The following ZNF804B variants were observed in gnomAD, a reference collection of about 807,000 sequenced individuals.
The protein encoded by ZNF804B is zinc finger protein 804B.
A neutral mutation model predicts 101.4 loss-of-function variants in ZNF804B; 80 were observed. The observed-to-expected ratio is 0.79, with a 90% CI of 0.66 to 0.95. The LOEUF (loss-of-function observed/expected upper bound fraction) is 0.95, where lower values mean the gene tolerates loss of function less well. ZNF804B is among the 40% of genes least tolerant of loss of function. The probability of loss-of-function intolerance (pLI) is 0.00; values close to 1 mark genes in which losing one functional copy is unlikely to be tolerated. For missense variants in ZNF804B, 1,673 were observed against 1,561.9 expected (o/e 1.07, Z -1.20); for synonymous variants, 622 against 558.8 (o/e 1.11, Z -1.59).
At chr7:88,789,962 C>T (rs1371330530) in intron 1 of ZNF804B, among the ~76,000 whole-genome samples, 6 of 151,964 alleles carry the variant, frequency 3.9e-5, no homozygotes, top group African/African-American at 1.4e-4. Flanking sequence ...TTTTTCCTTT[C>T]AAGTAATATT....
At chr7:89,308,055 G>A (rs552397663) in intron 2 of ZNF804B, among the ~76,000 whole-genome samples, 2 of 152,124 alleles carry the variant, frequency 1.3e-5, no homozygotes, top group East Asian at 3.9e-4. Context: ...ATTTTTAAAA[G>A]ACTTCTGATC....
chr7:89,228,354 T>A (rs1449160433), intron 2 of ZNF804B, among the ~76,000 whole-genome samples: 1 of 152,106 alleles, frequency 6.6e-6, no homozygotes, highest in East Asian at 1.9e-4. Flanking sequence ...TATTCTCTTA[T>A]CTGGCCCCAC....
rs1790373660 is a variant in ZNF804B at position 89,119,898 on chromosome 7, T to A, written c.109-98257T>A. ...TGTTTGTTTATCTAACATGCTCATA[T>A]GGATAGCAAGGTTTATTCCCAAGTG... On this transcript the variant is annotated intron_variant, in intron 1 of 3. Coordinates refer to ENST00000333190, the MANE Select transcript of ZNF804B (RefSeq NM_181646.5). Among the ~76,000 whole-genome samples, 5 of 152,354 alleles carry A rather than the reference T, an allele frequency of 3.3e-5. No individual in the cohort carries two copies. In the South Asian group the frequency reaches 1.0e-3, roughly 32 times the overall value.
chr7:89,001,359 CTTTTT>C, intron 1 of ZNF804B, among the ~76,000 whole-genome samples: 1 of 142,848 alleles, frequency 7.0e-6, no homozygotes, highest in East Asian at 2.0e-4. Context: ...CTTTCCTTTT[CTTTTT>C]TTTTTAAAAG....
At chr7:88,992,173 G>GTC (rs1400158519) in intron 1 of ZNF804B, among the ~76,000 whole-genome samples, 4 of 152,074 alleles carry the variant, frequency 2.6e-5, no homozygotes. Flanking sequence ...AAAATCTTCA[G>GTC]TCTCTCTCTC....
chr7:88,818,899 T>C (rs1304355088), intron 1 of ZNF804B, among the ~76,000 whole-genome samples: 1 of 152,176 alleles, frequency 6.6e-6, no homozygotes, highest in East Asian at 1.9e-4. Context: ...TGGTCATTAT[T>C]CTTGTTGTTG....
rs1788743723 is a variant in ZNF804B, at chr7:89,208,167, T to C, written c.109-9988T>C. ...CACAATCTCGGCTCACTGCAAGCTCTGCCTCCCAGGTTCATGCCGTTCTCC... is the reference window on the plus strand; with the variant it reads ...CACAATCTCGGCTCACTGCAAGCTCCGCCTCCCAGGTTCATGCCGTTCTCC... On this transcript the variant is annotated intron_variant, in intron 1 of 3. Transcript: ENST00000333190. Among the ~76,000 whole-genome samples the C allele has an allele frequency of 2.6e-5, 4 of 150,986 alleles. No individual in the cohort carries two copies. The South Asian group carries it at 8.5e-4, about 32-fold the overall frequency.
At chr7:88,918,228 T>A (rs1046055079) in intron 1 of ZNF804B, among the ~76,000 whole-genome samples, 10 of 152,154 alleles carry the variant, frequency 6.6e-5, no homozygotes, top group African/African-American at 2.4e-4. Flanking sequence ...ATAAATACTT[T>A]CAAATAAGTA....
intron 1 of ZNF804B, among the ~76,000 whole-genome samples, chr7:88,813,936 T>C (rs1790833125): frequency 6.6e-6 from 1 of 152,100 alleles, no homozygotes; most frequent in Non-Finnish European, 1.5e-5. Flanking sequence ...ACTCACTAGG[T>C]TTTGTAGTGA....
At chr7:88,916,726 C>G (rs903123547) in intron 1 of ZNF804B, among the ~76,000 whole-genome samples, 1 of 152,036 alleles carries the variant, frequency 6.6e-6, no homozygotes, top group African/African-American at 2.4e-5. Flanking sequence ...TATAGTAACA[C>G]TTTAGGATGT....
intron 1 of ZNF804B, among the ~76,000 whole-genome samples, chr7:89,012,488 T>C (rs1164268501): frequency 1.3e-5 from 2 of 152,190 alleles, no homozygotes. Flanking sequence ...TTCCAAGCCA[T>C]CTCACTCAAG....
intron 2 of ZNF804B, among the ~76,000 whole-genome samples, chr7:89,224,745 TGTGTGTATGA>T (rs1256793085): frequency 1.1e-5 from 1 of 92,766 alleles, no homozygotes; most frequent in African/African-American, 4.2e-5. Flanking sequence ...TGTGTGTGTG[TGTGTGTATGA>T]GTGTGTGTGT....
At chr7:88,875,414 A>T (rs978940753) in intron 1 of ZNF804B, among the ~76,000 whole-genome samples, 1 of 152,310 alleles carries the variant, frequency 6.6e-6, no homozygotes, top group East Asian at 1.9e-4. Context: ...AACTGCTAGC[A>T]AGACTAATAA....
chr7:89,213,290 A>G (rs893052949), intron 1 of ZNF804B, among the ~76,000 whole-genome samples: 8 of 152,158 alleles, frequency 5.3e-5, no homozygotes, highest in African/African-American at 1.9e-4. Context: ...TTGAAGTAGG[A>G]TTTCATTTGG....
chr7:89,103,137 G>T (rs1382872669), intron 1 of ZNF804B, among the ~76,000 whole-genome samples: 1 of 129,322 alleles, frequency 7.7e-6, no homozygotes, highest in Non-Finnish European at 1.6e-5. Flanking sequence ...TTGAAATCAG[G>T]CAATGCAATG....
intron 1 of ZNF804B, among the ~76,000 whole-genome samples, chr7:89,072,254 C>T (rs146815908): frequency 1.1e-4 from 16 of 152,150 alleles, no homozygotes; most frequent in African/African-American, 3.9e-4. Context: ...CCAGTTTTCT[C>T]TGAGGCCTAG....
At chr7:89,086,864 A>C (rs1482237232) in intron 1 of ZNF804B, among the ~76,000 whole-genome samples, 1 of 151,924 alleles carries the variant, frequency 6.6e-6, no homozygotes, top group Non-Finnish European at 1.5e-5. Context: ...TATAAAATTG[A>C]ATCTATACCT....
chr7:88,764,028 T>C (rs1020990474), intron 1 of ZNF804B, among the ~76,000 whole-genome samples: 2 of 152,184 alleles, frequency 1.3e-5, no homozygotes, highest in Non-Finnish European at 1.5e-5. Context: ...TAATTCAGTG[T>C]TCATGAACTT....
intron 1 of ZNF804B, among the ~76,000 whole-genome samples, chr7:89,100,079 GT>G (rs1469987956): frequency 2.6e-5 from 4 of 152,260 alleles, no homozygotes; most frequent in Admixed American, 2.6e-4. Context: ...TTTATTGACA[GT>G]TTTTCCCTTG....
Sources: allele counts gnomAD v4.1 joint callset (sites outside exome capture counted in the v4.1 genomes callset), GRCh38; gene constraint gnomAD v4.1.1; transcripts MANE v1.5; gene names NCBI Gene and HGNC (gene_info 2026-07-23, HGNC 2026-07-21).